ABCA10: variants seen among roughly 807,000 people sequenced by gnomAD.
The protein encoded by ABCA10 is ATP-binding cassette sub-family A member 10.
Under a neutral mutation model 187.5 loss-of-function variants are expected in ABCA10, and 169 were observed. That is an observed-to-expected ratio of 0.90 (90% CI 0.80 to 1.02). The LOEUF (loss-of-function observed/expected upper bound fraction) is 1.02, where lower values mean the gene tolerates loss of function less well. Ranked by LOEUF, ABCA10 falls within the 50% of genes least tolerant of loss-of-function variation. The probability of loss-of-function intolerance (pLI) is 0.00; values close to 1 mark genes in which losing one functional copy is unlikely to be tolerated. For synonymous variants in ABCA10, 574 were observed against 601.8 expected, an observed-to-expected ratio of 0.95 and a Z score of 0.68; for missense variants, 1,727 against 1,812.4, an observed-to-expected ratio of 0.95 and a Z score of 0.86.
At chr17:69,165,381 T>C (rs775313265) in intron 25 of ABCA10, among the ~76,000 whole-genome samples, 1 of 152,146 alleles carries the variant, frequency 6.6e-6, no homozygotes, top group Non-Finnish European at 1.5e-5. Flanking sequence ...TTATAATAAA[T>C]CTTAATATGT....
Position 69,153,518 on chromosome 17 carries a change from G to A in ABCA10, c.3994C>T (p.Gln1332Ter), listed in dbSNP as rs764764140. Reference sequence around the variant, plus strand: ...AGAGTTTTCACAGGAGCCTTAAGTTGTTCCTGGAGCTTAAGAGCTTCCACC... The same window carrying A: ...AGAGTTTTCACAGGAGCCTTAAGTTATTCCTGGAGCTTAAGAGCTTCCACC... ...RLVEALKLQE[Q>*]LKAPVKTLSE... The change falls in exon 33 of 39, where the codon CAA becomes TAA. Residue 1332 changes from glutamine (Q) to a stop codon, truncating the protein, a stop_gained. Transcript: ENST00000690296. LOFTEE classifies it high-confidence loss of function. 1 of 1,614,146 alleles carries A rather than the reference G, an allele frequency of 6.2e-7. No individual in the cohort carries two copies. The highest frequency in any genetic ancestry group is 1.1e-5 in the South Asian group (1 of 91,080).
Position 69,148,731 on chromosome 17 carries a change from C to A in ABCA10, c.*96G>T. On this transcript the variant is annotated 3_prime_UTR_variant, in exon 39 of 39. Transcript: ENST00000690296. ...TTATTGAATGTTTATTAAATGTTTT[C>A]TTTTGTTAACTGAAGTAAAAGGAAA... The A allele has an allele frequency of 9.5e-7, 1 of 1,048,744 alleles. No homozygotes were observed. The allele number at this position is 1,048,744 out of a possible 1,614,324, so 65.0% of individuals were successfully genotyped here.
chr17:69,186,885 A>G (rs2074425818), intron 19 of ABCA10, among the ~76,000 whole-genome samples: 1 of 152,120 alleles, frequency 6.6e-6, no homozygotes, highest in Non-Finnish European at 1.5e-5. Flanking sequence ...TAGAGTAGGG[A>G]TCTGTGCCTT....
At chr17:69,181,972 T>G (rs1238922099) in intron 22 of ABCA10, among the ~76,000 whole-genome samples, 181 bp downstream of exon 22, 2 of 152,224 alleles carry the variant, frequency 1.3e-5, no homozygotes, top group Admixed American at 6.5e-5. Flanking sequence ...ACAATAATTC[T>G]ATAAAGTAGG....
intron 27 of ABCA10, among the ~76,000 whole-genome samples, chr17:69,158,457 G>T (rs1186741129): frequency 6.6e-6 from 1 of 151,398 alleles, no homozygotes; most frequent in Admixed American, 6.6e-5. Context: ...ACGTGCAATG[G>T]GAACAAAATT....
Position 69,187,858 on chromosome 17 carries a change from T to C in ABCA10, c.2153A>G (p.Glu718Gly). ...AGTATTTCTTGTCACATGTATTTTCTCTTGTTTCCCAATGTCAAAATCTAC... is the reference window on the plus strand; with the variant it reads ...AGTATTTCTTGTCACATGTATTTTCCCTTGTTTCCCAATGTCAAAATCTAC... Reference protein sequence around the residue: ...DEPDFDIGKQEKIHVTRNTGD... With the variant: ...DEPDFDIGKQGKIHVTRNTGD... Residue 718 changes from glutamate to glycine, a missense_variant, in exon 19 of 39, where the codon GAG (glutamate) becomes GGG (glycine). Coordinates refer to ENST00000690296, the MANE Select transcript of ABCA10 (RefSeq NM_001377321.1). 6.2e-7 allele frequency: 1 copy of C among 1,613,740 alleles called. No homozygotes were observed. Among genetic ancestry groups the C allele is most frequent in the East Asian group, 2.2e-5 (1 of 44,870 alleles).
rs751286341 is a variant in ABCA10 at position 69,153,305 on chromosome 17, C to T, written c.4136G>A (p.Trp1379Ter). The T allele has an allele frequency of 6.2e-7, 1 of 1,608,018 alleles. No individual in the cohort carries two copies. The highest frequency in any genetic ancestry group is 1.1e-5 in the South Asian group (1 of 90,046). ...GACACTTAATATTCACTCTCCTTAC[C>T]ACATTTGCTGCTGCCCCTCGGGGTC... ...GMDPEGQQQM[W>*]QILQATVKNK... The change falls in exon 34 of 39, where the codon TGG becomes TAG. Residue 1379 changes from tryptophan to a stop codon, truncating the protein, a stop_gained and splice_region_variant. Coordinates refer to ENST00000690296, the MANE Select transcript of ABCA10 (RefSeq NM_001377321.1). LOFTEE classifies it high-confidence loss of function.
chr17:69,155,884 T>C lies in ABCA10; in HGVS notation c.3497A>G (p.Glu1166Gly), dbSNP rs768647134. The change falls in exon 29 of 39, where the codon GAG (glutamate) becomes GGG (glycine). Residue 1166 changes from glutamate to glycine, a missense_variant. Transcript: ENST00000690296. ...RSRETHPNPE[E>G]PEEEDEDVQA... ...AACATCTTCATCTTCTTCTTCGGGC[T>C]CTTCCGGATTGGGATGAGTTTCTCT... 1 of 1,613,770 alleles carries C rather than the reference T, an allele frequency of 6.2e-7. No homozygotes were observed. Among genetic ancestry groups the C allele is most frequent in the Non-Finnish European group, 8.5e-7 (1 of 1,179,750 alleles).
At chr17:69,176,600 T>C (rs374588777) in intron 22 of ABCA10, among the ~76,000 whole-genome samples, 184 of 152,214 alleles carry the variant, frequency 1.2e-3, no homozygotes, top group African/African-American at 4.3e-3. Context: ...GTAACACTTA[T>C]GACTCCATAT....
rs111875084 is a variant in ABCA10, at chr17:69,193,934, A to T, written c.1401T>A (p.Ile467=). The change falls in exon 13 of 39, where the codon ATT becomes ATA. Residue 467 remains isoleucine, a synonymous_variant. Coordinates refer to ENST00000690296, the MANE Select transcript of ABCA10 (RefSeq NM_001377321.1). ...QLSEITDMEE[I]RKNIGFCPQF... The stretch of plus-strand genomic sequence containing the variant: ...GTGGACAAAATCCAATATTCTTTCT[A>T]ATTTCTTCCATGTCAGTTATTTCAG... 3.1e-6 allele frequency: 5 copies of T among 1,611,870 alleles called. No homozygotes were observed. In the African/African-American group the frequency reaches 4.0e-5, roughly 13 times the overall value.
chr17:69,244,814 T>C (rs1324461442), exon 1 of ABCA10: 4 of 151,126 alleles, frequency 2.6e-5, no homozygotes, highest in Non-Finnish European at 4.4e-5. Context: ...GTAAAATTAA[T>C]TGTGCTCCTA....
intron 14 of ABCA10, 74 bp from the exon 15 acceptor site, chr17:69,193,322 G>A (rs936600183): frequency 2.0e-5 from 31 of 1,566,112 alleles, no homozygotes; most frequent in Middle Eastern, 1.7e-4. Flanking sequence ...ATGAAAACAA[G>A]TATGATTTCT....
chr17:69,153,005 C>G (rs961427949), intron 34 of ABCA10, among the ~76,000 whole-genome samples: 1 of 151,782 alleles, frequency 6.6e-6, no homozygotes, highest in Non-Finnish European at 1.5e-5. Context: ...AAACATCATA[C>G]TATATGACTT....
chr17:69,207,793 T>C (rs1264883719), intron 9 of ABCA10, among the ~76,000 whole-genome samples: 1 of 152,154 alleles, frequency 6.6e-6, no homozygotes, highest in Non-Finnish European at 1.5e-5. Context: ...GTTGGGAAGA[T>C]GTTTGTTAGT....
At chr17:69,197,172 T>C in intron 10 of ABCA10, 50 bp from the exon 11 acceptor site, 1 of 1,381,136 alleles carries the variant, frequency 7.2e-7, no homozygotes, top group Non-Finnish European at 1.0e-6. Context: ...CTAGTATTAA[T>C]AACACAGATT....
rs565622763 is a variant in ABCA10 at position 69,162,746 on chromosome 17, A to G, written c.3363+1328T>C. 3.3e-5 allele frequency among the ~76,000 whole-genome samples: 5 copies of G among 151,996 alleles called. No individual in the cohort carries two copies. In the South Asian group the frequency reaches 8.3e-4, roughly 25 times the overall value. On this transcript the variant is annotated intron_variant, in intron 27 of 38. Coordinates refer to ENST00000690296, the MANE Select transcript of ABCA10 (RefSeq NM_001377321.1). ...CAGTTCTGTAGGAATGAACTAAATG[A>G]TTGGTATCGTTGCTTACAAAAGTGT... is the stretch of plus-strand genomic sequence containing the variant.
Position 69,149,066 on chromosome 17 carries a change from CT to C in ABCA10, c.4499del (p.Glu1500GlyfsTer15). The C allele has an allele frequency of 1.2e-6, 2 of 1,613,932 alleles. No homozygotes were observed. Among genetic ancestry groups the C allele is most frequent in the Non-Finnish European group, 1.7e-6 (2 of 1,179,876 alleles). On this transcript the variant is annotated frameshift_variant, in exon 38 of 39. Coordinates refer to ENST00000690296, the MANE Select transcript of ABCA10 (RefSeq NM_001377321.1). LOFTEE classifies it low-confidence loss of function (END_TRUNC). The part of the protein sequence containing the change: ...LEAMKQTFNL[E>X]EYSLSQATLE... The stretch of plus-strand genomic sequence containing the variant: ...AGGTAGCCTGAGAGAGGCTGTATTC[CT>C]CCAGGTTGAAGGTCTGTTTCACTGC...
intron 18 of ABCA10, among the ~76,000 whole-genome samples, chr17:69,189,532 C>T (rs894377292): frequency 6.6e-6 from 1 of 152,136 alleles, no homozygotes. Context: ...TTAATTAGGT[C>T]TCACTTGTCA....
chr17:69,165,610 C>T (rs1439154475), intron 25 of ABCA10, among the ~76,000 whole-genome samples: 2 of 152,132 alleles, frequency 1.3e-5, no homozygotes, highest in African/African-American at 4.8e-5. Flanking sequence ...CCCATATCCC[C>T]ACTCAGACTG....
Sources: allele counts gnomAD v4.1 joint callset (sites outside exome capture counted in the v4.1 genomes callset), GRCh38; gene constraint gnomAD v4.1.1; transcripts MANE v1.5; gene names NCBI Gene and HGNC (gene_info 2026-07-23, HGNC 2026-07-21).